The following HECW2 variants were observed in gnomAD, a reference collection of about 807,000 sequenced individuals.
HECW2 encodes HECT, C2 and WW domain containing E3 ubiquitin protein ligase 2, also known as E3 ubiquitin-protein ligase HECW2.
Under a neutral mutation model 175.2 loss-of-function variants are expected in HECW2, and 61 were observed. The observed-to-expected ratio is 0.35, with a 90% CI of 0.28 to 0.43. The LOEUF (loss-of-function observed/expected upper bound fraction) is 0.43, where lower values mean the gene tolerates loss of function less well. HECW2 is among the 20% of genes least tolerant of loss of function. HECW2 has a pLI of 1.00. For missense variants in HECW2, 1,524 were observed against 2,000.5 expected (o/e 0.76, Z 4.54); for synonymous variants, 671 against 731.0 (o/e 0.92, Z 1.32).
intron 2 of HECW2, among the ~76,000 whole-genome samples, chr2:196,364,692 A>G (rs1293068451): frequency 6.6e-6 from 1 of 152,234 alleles, no homozygotes; most frequent in Non-Finnish European, 1.5e-5. Flanking sequence ...TGAGAACAAA[A>G]TAAACATAGC....
chr2:196,204,639 C>T (rs916848475), intron 28 of HECW2, among the ~76,000 whole-genome samples: 1 of 152,188 alleles, frequency 6.6e-6, no homozygotes, highest in Non-Finnish European at 1.5e-5. Flanking sequence ...TGCCTGGATG[C>T]CTGCTCCATG....
chr2:196,557,380 A>G (rs1575669976), intron 1 of HECW2, among the ~76,000 whole-genome samples: 1 of 151,584 alleles, frequency 6.6e-6, no homozygotes, highest in Admixed American at 6.6e-5. Flanking sequence ...GGGCAACAAG[A>G]GCAAAACTCC....
intron 3 of HECW2, among the ~76,000 whole-genome samples, chr2:196,341,814 CTAGTAAG>C (rs1274924189): frequency 6.6e-6 from 1 of 152,174 alleles, no homozygotes; most frequent in Non-Finnish European, 1.5e-5. Context: ...TGCTGATTTA[CTAGTAAG>C]GATGGTAAAA....
intron 1 of HECW2, among the ~76,000 whole-genome samples, chr2:196,503,724 C>A (rs1687652626): frequency 6.6e-6 from 1 of 152,174 alleles, no homozygotes; most frequent in Non-Finnish European, 1.5e-5. Flanking sequence ...TGGAAAGCAA[C>A]TGATGTTTAT....
chr2:196,318,145 T>C (rs752914668), intron 9 of HECW2, among the ~76,000 whole-genome samples: 35 of 152,216 alleles, frequency 2.3e-4, no homozygotes, highest in Non-Finnish European at 4.6e-4. Context: ...CCGGTTCCAA[T>C]AGAGACCCAT....
At chr2:196,443,168 G>C (rs967468770) in intron 1 of HECW2, among the ~76,000 whole-genome samples, 1 of 152,036 alleles carries the variant, frequency 6.6e-6, no homozygotes, top group Non-Finnish European at 1.5e-5. Context: ...CATATGGATG[G>C]GCAATTCTAC....
chr2:196,374,880 T>G (rs1226302816), intron 2 of HECW2, among the ~76,000 whole-genome samples: 1 of 150,920 alleles, frequency 6.6e-6, no homozygotes, highest in Non-Finnish European at 1.5e-5. Context: ...AAACTAGTTT[T>G]GGCCGGGCGC....
chr2:196,399,721 C>A (rs1305651378), intron 2 of HECW2, among the ~76,000 whole-genome samples: 1 of 152,178 alleles, frequency 6.6e-6, no homozygotes, highest in Non-Finnish European at 1.5e-5. Flanking sequence ...TCTTTCTAAC[C>A]ACACAGTCTC....
At chr2:196,515,911 G>A (rs976036610) in intron 1 of HECW2, among the ~76,000 whole-genome samples, 1 of 151,206 alleles carries the variant, frequency 6.6e-6, no homozygotes, top group Admixed American at 6.6e-5. Flanking sequence ...ATCACTTGAG[G>A]TCAGGAGTTT....
intron 1 of HECW2, among the ~76,000 whole-genome samples, chr2:196,439,937 A>G (rs1253164717): frequency 1.3e-5 from 2 of 152,198 alleles, no homozygotes; most frequent in African/African-American, 2.4e-5. Context: ...GAATGTTTCA[A>G]AGGAAGAACA....
chr2:196,468,613 C>T (rs1697057667), intron 1 of HECW2, among the ~76,000 whole-genome samples: 1 of 152,226 alleles, frequency 6.6e-6, no homozygotes, highest in African/African-American at 2.4e-5. Flanking sequence ...CTGCCACCTG[C>T]AGACCACACT....
chr2:196,456,199 T>C (rs1696507131), intron 1 of HECW2, among the ~76,000 whole-genome samples: 1 of 152,150 alleles, frequency 6.6e-6, no homozygotes, highest in Non-Finnish European at 1.5e-5. Context: ...GAAAGGACAC[T>C]ATATCAAAAC....
At chr2:196,375,774 G>T (rs1694034932) in intron 2 of HECW2, among the ~76,000 whole-genome samples, 1 of 152,234 alleles carries the variant, frequency 6.6e-6, no homozygotes. Flanking sequence ...AATGGAGATT[G>T]TCCAGAATAA....
intron 13 of HECW2, among the ~76,000 whole-genome samples, chr2:196,298,078 A>G (rs1350102): frequency 0.07 from 10,651 of 152,278 alleles, 427 homozygotes; most frequent in East Asian, 0.13. Flanking sequence ...AGAAACTTAA[A>G]CGCTAGAATT....
intron 7 of HECW2, among the ~76,000 whole-genome samples, chr2:196,320,901 T>C (rs557811933): frequency 2.0e-5 from 3 of 152,330 alleles, no homozygotes; most frequent in African/African-American, 7.2e-5. Context: ...CTAAGGATTA[T>C]CACCCAACAT....
At position 196,318,644 on chromosome 2, in the gene HECW2, G is replaced by A. The variant is rs1481197635; in HGVS notation, c.2246C>T (p.Ala749Val). ...RRGSLEGAAAAAESPPQEEGS... is the reference protein window; with the variant it reads ...RRGSLEGAAAVAESPPQEEGS... Reference sequence around the variant, plus strand: ...TTCTTCTTGCGGTGGGCTCTCGGCAGCAGCTGCAGCTCCCTCCAGGCTCCC... The same window carrying A: ...TTCTTCTTGCGGTGGGCTCTCGGCAACAGCTGCAGCTCCCTCCAGGCTCCC... Residue 749 changes from alanine to valine, a missense_variant, in exon 9 of 29, where the codon GCT becomes GTT. Physicochemically the swap from Ala to Val is moderately conservative, Grantham distance 64 (BLOSUM62 0). Around this residue, in one of 11 missense-constraint regions of HECW2, gnomAD observed 604 missense variants for 588.3 expected, o/e 1.03. Coordinates refer to ENST00000644978, the MANE Select transcript of HECW2 (RefSeq NM_001348768.2). The A allele has an allele frequency of 1.3e-6, 2 of 1,599,688 alleles. No individual in the cohort carries two copies. Among genetic ancestry groups the A allele is most frequent in the East Asian group, 2.2e-5 (1 of 44,644 alleles).
rs190460414 is a variant in HECW2, at chr2:196,377,129, C to T, written c.293-33365G>A. On this transcript the variant is annotated intron_variant, in intron 2 of 28. Coordinates refer to ENST00000644978, the MANE Select transcript of HECW2 (RefSeq NM_001348768.2). ...AGAAACCAGGTTGGCCAAAGCTATC[C>T]GCTAGTTAGTGCCACGGAAAAGTAG... Among the ~76,000 whole-genome samples the T allele has an allele frequency of 9.9e-5, 15 of 152,188 alleles. No individual in the cohort carries two copies. The East Asian group carries it at 2.7e-3, about 27-fold the overall frequency.
intron 1 of HECW2, among the ~76,000 whole-genome samples, chr2:196,516,702 T>C (rs1688162536): frequency 6.6e-6 from 1 of 152,206 alleles, no homozygotes; most frequent in Non-Finnish European, 1.5e-5. Flanking sequence ...GCAATCATAG[T>C]TTTCCCTAGG....
At chr2:196,209,954 G>A (rs977887187) in intron 28 of HECW2, among the ~76,000 whole-genome samples, 2 of 151,966 alleles carry the variant, frequency 1.3e-5, no homozygotes, top group Admixed American at 6.5e-5. Context: ...TAGTAGAGAC[G>A]GGGTTTCACC....
Sources: allele counts gnomAD v4.1 joint callset (sites outside exome capture counted in the v4.1 genomes callset), GRCh38; gene constraint gnomAD v4.1.1; regional missense constraint gnomAD v4.1.1; transcripts MANE v1.5; gene names NCBI Gene and HGNC (gene_info 2026-07-23, HGNC 2026-07-21).